The following PCDHA2 variants were observed in gnomAD, a reference collection of about 807,000 sequenced individuals.
PCDHA2 encodes the protein protocadherin alpha 2, also known as protocadherin alpha-2.
A neutral mutation model predicts 66.0 loss-of-function variants in PCDHA2; 58 were observed. That is an observed-to-expected ratio of 0.88 (90% CI 0.71 to 1.09). The LOEUF is 1.09. Ranked by LOEUF, PCDHA2 falls within the 50% of genes least tolerant of loss-of-function variation. The pLI, the probability that PCDHA2 is intolerant of heterozygous loss-of-function variation, is 0.00. For missense variants in PCDHA2, 1,267 were observed against 1,242.3 expected (o/e 1.02, Z -0.30); for synonymous variants, 634 against 554.0 (o/e 1.14, Z -2.03).
intron 1 of PCDHA2, chr5:140,860,501 CA>C (rs2046424429): frequency 6.6e-6 from 1 of 151,970 alleles, no homozygotes; most frequent in Non-Finnish European, 1.5e-5. Context: ...TGTCTACATA[CA>C]AGATAAAACT....
chr5:140,873,959 C>A (rs782271124), intron 1 of PCDHA2, among the ~76,000 whole-genome samples: 1 of 152,136 alleles, frequency 6.6e-6, no homozygotes, highest in Non-Finnish European at 1.5e-5. Context: ...CTGAGCCCAG[C>A]CTATTTTTTA....
intron 3 of PCDHA2, among the ~76,000 whole-genome samples, chr5:140,994,883 A>T (rs1197020328): frequency 6.6e-6 from 1 of 152,222 alleles, no homozygotes; most frequent in Non-Finnish European, 1.5e-5. Flanking sequence ...AAGAGATGTT[A>T]GGAAATGAGA....
intron 3 of PCDHA2, 32 bp from the exon 4 acceptor site, chr5:141,009,595 C>T (rs781807814): frequency 6.2e-7 from 1 of 1,604,124 alleles, no homozygotes; most frequent in Admixed American, 1.7e-5. Context: ...TGTGTTGACC[C>T]TGTTAATGAT....
chr5:140,848,561 A>C, intron 1 of PCDHA2: 1 of 1,595,546 alleles, frequency 6.3e-7, no homozygotes. Context: ...TGATCCTCGC[A>C]ATGTGGGTGG....
In PCDHA2 at chr5:140,869,379, C is replaced by G. The variant is rs1554162987; in HGVS notation, c.2388+72027C>G. The G allele has an allele frequency of 1.9e-6, 3 of 1,614,122 alleles. No individual in the cohort carries two copies. The South Asian group carries it at 3.3e-5, about 18-fold the overall frequency. ...TGTTTGTGAATTCTCGGATCGACCG[C>G]GAGGAGCTGTGCGGGCAGAGCGCGG... On this transcript the variant is annotated intron_variant, in intron 1 of 3. Coordinates refer to ENST00000526136, the MANE Select transcript of PCDHA2 (RefSeq NM_018905.3).
At chr5:140,802,552 C>T (rs1762943927) in intron 1 of PCDHA2, 4 of 1,614,080 alleles carry the variant, frequency 2.5e-6, no homozygotes, top group African/African-American at 1.3e-5. Context: ...AACGACAATG[C>T]GCCGGCATTC....
intron 3 of PCDHA2, among the ~76,000 whole-genome samples, chr5:140,996,991 T>C (rs191353108): frequency 1.6e-4 from 25 of 152,346 alleles, no homozygotes; most frequent in African/African-American, 5.3e-4. Flanking sequence ...GCAACCACTG[T>C]TAACAATTTT....
At chr5:140,836,050 T>G (rs1344658459) in intron 1 of PCDHA2, 1 of 1,613,330 alleles carries the variant, frequency 6.2e-7, no homozygotes, top group Non-Finnish European at 8.5e-7. Context: ...GTGTTCGTGC[T>G]GGACGAGAAC....
intron 1 of PCDHA2, among the ~76,000 whole-genome samples, chr5:140,925,937 C>T (rs1244990026): frequency 1.4e-5 from 2 of 138,450 alleles, no homozygotes; most frequent in East Asian, 3.9e-4. Flanking sequence ...AGTAGAGCCT[C>T]TTGGAGAAGG....
intron 1 of PCDHA2, chr5:140,883,678 G>C: frequency 1.2e-6 from 2 of 1,613,902 alleles, no homozygotes; most frequent in Non-Finnish European, 1.7e-6. Context: ...ACAATCCGCC[G>C]GGCTGCCACA....
intron 1 of PCDHA2, among the ~76,000 whole-genome samples, chr5:140,956,131 C>A (rs2095258276): frequency 6.6e-6 from 1 of 152,096 alleles, no homozygotes; most frequent in African/African-American, 2.4e-5. Flanking sequence ...TATTTGAATA[C>A]CCTTTATTTC....
chr5:140,875,143 G>A (rs2055292608), intron 1 of PCDHA2, among the ~76,000 whole-genome samples: 1 of 152,174 alleles, frequency 6.6e-6, no homozygotes, highest in Non-Finnish European at 1.5e-5. Context: ...ATTTATAAAT[G>A]ATCCGTGAAA....
chr5:140,995,526 A>G (rs1241973159), intron 3 of PCDHA2, among the ~76,000 whole-genome samples: 1 of 152,244 alleles, frequency 6.6e-6, no homozygotes, highest in Non-Finnish European at 1.5e-5. Context: ...TCAGAAATCA[A>G]ACCTCAAATA....
chr5:140,876,814 G>C (rs571648883), intron 1 of PCDHA2: 4 of 1,614,226 alleles, frequency 2.5e-6, no homozygotes, highest in Non-Finnish European at 2.5e-6. Flanking sequence ...GGTGGCCGAC[G>C]TGAACGACAA....
chr5:140,842,977 G>A (rs2150349031), intron 1 of PCDHA2: 2 of 1,595,034 alleles, frequency 1.3e-6, no homozygotes, highest in East Asian at 2.2e-5. Flanking sequence ...TGACGCTGCA[G>A]GTGTTCGTGC....
At chr5:140,966,753 C>T in intron 1 of PCDHA2, 1 of 1,433,176 alleles carries the variant, frequency 7.0e-7, no homozygotes, top group South Asian at 1.5e-5. Context: ...CTGCCTCCGC[C>T]GCGGCCAGTG....
intron 1 of PCDHA2, among the ~76,000 whole-genome samples, chr5:140,885,818 G>C (rs2060726718): frequency 6.6e-6 from 1 of 151,914 alleles, no homozygotes; most frequent in African/African-American, 2.4e-5. Flanking sequence ...ATTTGTATTT[G>C]ATCTTCTTTG....
chr5:140,895,124 T>A (rs2064859568), intron 1 of PCDHA2, among the ~76,000 whole-genome samples: 1 of 152,196 alleles, frequency 6.6e-6, no homozygotes, highest in Non-Finnish European at 1.5e-5. Flanking sequence ...ATTTGTTAGT[T>A]GACAAGTTCA....
intron 3 of PCDHA2, among the ~76,000 whole-genome samples, chr5:141,007,792 C>A (rs2098346636): frequency 6.6e-6 from 1 of 152,166 alleles, no homozygotes. Flanking sequence ...TACAAATTAG[C>A]CTTTATCTGC....
Sources: allele counts gnomAD v4.1 joint callset (sites outside exome capture counted in the v4.1 genomes callset), GRCh38; gene constraint gnomAD v4.1.1; transcripts MANE v1.5; gene names NCBI Gene and HGNC (gene_info 2026-07-23, HGNC 2026-07-21).